The following EP400 variants were observed in gnomAD, a reference collection of about 807,000 sequenced individuals.
EP400 encodes the protein E1A-binding protein p400.
Under a neutral mutation model 354.1 loss-of-function variants are expected in EP400, and 105 were observed. That is an observed-to-expected ratio of 0.30 (90% confidence interval 0.25 to 0.35). EP400 has a LOEUF of 0.35. Among genes scored for constraint, EP400 ranks in the 10% least tolerant of loss-of-function variants. EP400 has a pLI of 1.00. For missense variants in EP400, 3,280 were observed against 4,121.0 expected, an observed-to-expected ratio of 0.80 and a Z score of 5.59; for synonymous variants, 1,646 against 1,716.9, an observed-to-expected ratio of 0.96 and a Z score of 1.02.
rs1194089872 is a variant in EP400, at chr12:132,069,431, G to T, written c.8875-64G>T. 3.8e-6 allele frequency: 6 copies of T among 1,579,198 alleles called. No homozygotes were observed. In the East Asian group the frequency reaches 1.3e-4, roughly 35 times the overall value. On this transcript the variant is annotated intron_variant, in intron 50 of 52. Transcript: ENST00000389561. ...TCTGCCATAGGGCCCAGAGCGGGCA[G>T]GCGTCCCGGGAGTCTTGAGCGCGGC... is the stretch of plus-strand genomic sequence containing the variant.
chr12:131,960,858 G>T lies in EP400; in HGVS notation c.239G>T (p.Gly80Val). 6.2e-7 allele frequency: 1 copy of T among 1,614,018 alleles called. No individual in the cohort carries two copies. The highest frequency in any genetic ancestry group is 2.2e-5 in the East Asian group (1 of 44,874). The change falls in exon 2 of 53, where the codon GGC becomes GTC. Residue 80 changes from glycine (G) to valine (V), a missense_variant. Gly to Val is a moderately radical substitution (Grantham distance 109, BLOSUM62 -3). Transcript: ENST00000389561. ...QNVNITLQSVGPVVGGNQQIT... is the reference protein window; with the variant it reads ...QNVNITLQSVVPVVGGNQQIT... Reference sequence around the variant, plus strand: ...GTGAACATCACCCTGCAGAGCGTGGGCCCTGTCGTCGGGGGAAACCAGCAG... The same window carrying T: ...GTGAACATCACCCTGCAGAGCGTGGTCCCTGTCGTCGGGGGAAACCAGCAG...
At chr12:132,061,832 G>A (rs1895704331) in intron 45 of EP400, among the ~76,000 whole-genome samples, 1 of 152,254 alleles carries the variant, frequency 6.6e-6, no homozygotes, top group African/African-American at 2.4e-5. Context: ...TGTGCGGAGA[G>A]GGAGGGACAG....
chr12:132,023,773 A>G lies in EP400; in HGVS notation c.4691-4A>G. 4 of 1,611,164 alleles carry G rather than the reference A, an allele frequency of 2.5e-6. No homozygotes were observed. Among genetic ancestry groups the G allele is most frequent in the Non-Finnish European group, 2.5e-6 (3 of 1,179,284 alleles). On this transcript the variant is annotated splice_region_variant and splice_polypyrimidine_tract_variant and intron_variant, in intron 23 of 52. Transcript: ENST00000389561. Reference sequence around the variant, plus strand: ...AATTCACCTTTTCCTCTACGTTTCAACAGGTGGAGAGGTAGTGAAAATAGC... The same window carrying G: ...AATTCACCTTTTCCTCTACGTTTCAGCAGGTGGAGAGGTAGTGAAAATAGC...
chr12:132,073,493 G>T (rs1241609633), intron 51 of EP400, among the ~76,000 whole-genome samples: 3 of 107,066 alleles, frequency 2.8e-5, no homozygotes, highest in South Asian at 5.2e-4. Flanking sequence ...TTGCTCCATC[G>T]CCTAGGCTGG....
In EP400 at chr12:132,020,175, A is replaced by T; in HGVS notation, c.4404A>T (p.Gly1468=). The part of the protein sequence containing the change: ...ASAAPQGPLR[G]RPPIATFSAN... Reference sequence around the variant, plus strand: ...CTGCTCCACAGGGCCCGCTTCGAGGACGGCCGCCCATCGCCACGTTCTCTG... The same window carrying T: ...CTGCTCCACAGGGCCCGCTTCGAGGTCGGCCGCCCATCGCCACGTTCTCTG... Residue 1468 remains glycine (G), a synonymous_variant, in exon 22 of 53, where the codon GGA becomes GGT. Coordinates refer to ENST00000389561, the MANE Select transcript of EP400 (RefSeq NM_015409.5). The T allele has an allele frequency of 1.2e-6, 2 of 1,610,370 alleles. No homozygotes were observed. The highest frequency in any genetic ancestry group is 1.7e-6 in the Non-Finnish European group (2 of 1,178,588).
chr12:132,036,394 G>A (rs750998937), intron 30 of EP400, among the ~76,000 whole-genome samples: 21 of 150,610 alleles, frequency 1.4e-4, no homozygotes, highest in East Asian at 2.0e-4. Flanking sequence ...GGGTTCACAC[G>A]GAGCATCGTG....
rs192379984 is a variant in EP400, at chr12:132,044,575, T to C, written c.6586-96T>C. ...AAATAGTCATGTTGATCAGAACTTA[T>C]TTGAAAGACTTAATGAGTATGAAGG... On this transcript the variant is annotated intron_variant, in intron 35 of 52. Transcript: ENST00000389561. 1.6e-5 allele frequency: 24 copies of C among 1,461,978 alleles called. No homozygotes were observed. The East Asian group carries it at 3.5e-4, about 21-fold the overall frequency. 90.6% of individuals were successfully genotyped at this position (1,461,978 alleles called of 1,614,324 possible). A position where few individuals can be genotyped will look rare whatever the true frequency, so the allele number is the denominator to read the frequency against.
rs768665062 is a variant in EP400 at position 131,990,481 on chromosome 12, G to A, written c.2551-155G>A. On this transcript the variant is annotated intron_variant, in intron 8 of 52. Coordinates refer to ENST00000389561, the MANE Select transcript of EP400 (RefSeq NM_015409.5). This position sits in a 1 kb window ranked among gnomAD's most constrained non-coding sequence, Gnocchi z 4.2. The stretch of plus-strand genomic sequence containing the variant: ...CCACCTAATAGAACCTGGGCAGGAT[G>A]TAGTTAGTATGAAATAAATGAAAAA... Among the ~76,000 whole-genome samples the A allele has an allele frequency of 1.4e-4, 21 of 152,200 alleles. No homozygotes were observed. Among genetic ancestry groups the A allele is most frequent in the Admixed American group, 4.6e-4 (7 of 15,284 alleles).
chr12:132,026,960 A>G (rs1367835526), intron 25 of EP400, among the ~76,000 whole-genome samples: 2 of 152,210 alleles, frequency 1.3e-5, no homozygotes, highest in African/African-American at 4.8e-5. Context: ...GGGAACGGAT[A>G]TGAAACGGGC....
chr12:131,982,123 A>T lies in EP400; in HGVS notation c.1574A>T (p.Gln525Leu), dbSNP rs569366093. 15 of 1,551,356 alleles carry T rather than the reference A, an allele frequency of 9.7e-6. No homozygotes were observed. In the East Asian group the frequency reaches 2.7e-4, roughly 28 times the overall value. Residue 525 changes from glutamine to leucine, a missense_variant, in exon 5 of 53, where the codon CAG (glutamine) becomes CTG (leucine). Gln to Leu is a moderately radical substitution (Grantham distance 113). Transcript: ENST00000389561. Reference sequence around the variant, plus strand: ...ATGCCCCCCACGCCGCAGGCCGCGCAGCTCGCTGGACAGAGGCAGAGTCAG... The same window carrying T: ...ATGCCCCCCACGCCGCAGGCCGCGCTGCTCGCTGGACAGAGGCAGAGTCAG... ...GGMPPTPQAA[Q>L]LAGQRQSQQQ...
chr12:132,052,191 T>C lies in EP400; in HGVS notation c.7395-955T>C, dbSNP rs1206481019. ...TAACTATTCTTGTTTTATATTTTATTATACTGGAACAGCTCGTGTCCTTGG... is the reference window on the plus strand; with the variant it reads ...TAACTATTCTTGTTTTATATTTTATCATACTGGAACAGCTCGTGTCCTTGG... On this transcript the variant is annotated intron_variant, in intron 41 of 52. Coordinates refer to ENST00000389561, the MANE Select transcript of EP400 (RefSeq NM_015409.5). The surrounding 1 kb of genome is among the most constrained non-coding windows in gnomAD (Gnocchi z 4.4). 1.3e-5 allele frequency among the ~76,000 whole-genome samples: 2 copies of C among 152,242 alleles called. No homozygotes were observed. The highest frequency in any genetic ancestry group is 2.4e-5 in the African/African-American group (1 of 41,460).
chr12:131,987,549 C>G (rs938183813), intron 6 of EP400, among the ~76,000 whole-genome samples, 156 bp from the exon 7 acceptor site: 20 of 152,312 alleles, frequency 1.3e-4, no homozygotes, highest in Admixed American at 1.2e-3. Context: ...GTGTTCGAAT[C>G]TTACCTTTGA....
chr12:132,050,802 G>GCACCTCTCTCCTGC lies in EP400; in HGVS notation c.7394+147_7394+148insCACCTCTCTCCTGC. On this transcript the variant is annotated intron_variant, in intron 41 of 52. Transcript: ENST00000389561. This position sits in a 1 kb window ranked among gnomAD's most constrained non-coding sequence, Gnocchi z 4.8. ...GGCAGTGCGCAGAACCTGCAGGAGA[G>GCACCTCTCTCCTGC]AGGTGCTTTTCCTGCCGTGGGCTAG... 1.0e-6 allele frequency: 1 copy of GCACCTCTCTCCTGC among 965,480 alleles called. No homozygotes were observed. The highest frequency in any genetic ancestry group is 1.6e-6 in the Non-Finnish European group (1 of 622,536). The allele number at this position is 965,480 out of a possible 1,614,324, so 59.8% of individuals were successfully genotyped here. A position where few individuals can be genotyped will look rare whatever the true frequency, so the allele number is the denominator to read the frequency against.
At chr12:132,007,004 G>T in intron 15 of EP400, 127 bp downstream of exon 15, 2 of 955,678 alleles carry the variant, frequency 2.1e-6, no homozygotes, top group Non-Finnish European at 3.1e-6. Context: ...GTTGACCTGA[G>T]CAAATTGAGG....
chr12:132,005,659 G>T (rs1393191372), intron 13 of EP400, among the ~76,000 whole-genome samples: 1 of 152,174 alleles, frequency 6.6e-6, no homozygotes, highest in African/African-American at 2.4e-5. Flanking sequence ...GGGAGGTCAG[G>T]CCTTACCAGA....
At chr12:132,046,047 G>A in intron 39 of EP400, 147 bp downstream of exon 39, 1 of 1,029,570 alleles carries the variant, frequency 9.7e-7, no homozygotes, top group South Asian at 1.6e-5. Context: ...TTGGGCTCCT[G>A]GTGGACCCAG....
At chr12:132,066,077 G>A (rs1895881356) in intron 48 of EP400, 1 of 152,112 alleles carries the variant, frequency 6.6e-6, no homozygotes, top group South Asian at 2.1e-4. Flanking sequence ...CCAAACAATG[G>A]AATATTAAGC....
rs760693556 is a variant in EP400 at position 131,986,813 on chromosome 12, C to CA, written c.2223+7dup. 1 of 1,592,056 alleles carries CA rather than the reference C, an allele frequency of 6.3e-7. No individual in the cohort carries two copies. The highest frequency in any genetic ancestry group is 1.8e-5 in the Admixed American group (1 of 56,110). ...TGACAGAACAAATAACTCTGGTAAGCATGCTTAAGAAAGTTGTAAAATGTA... is the reference window on the plus strand; with the variant it reads ...TGACAGAACAAATAACTCTGGTAAGCAATGCTTAAGAAAGTTGTAAAATGTA... On this transcript the variant is annotated splice_region_variant and intron_variant, in intron 6 of 52. Transcript: ENST00000389561.
chr12:132,029,984 C>G lies in EP400; in HGVS notation c.5585-5C>G, dbSNP rs1894436207. 6.2e-7 allele frequency: 1 copy of G among 1,613,770 alleles called. No individual in the cohort carries two copies. The highest frequency in any genetic ancestry group is 1.3e-5 in the African/African-American group (1 of 74,896). ...GAGGCGCTCTTGATGTGATTCGTTT[C>G]CCAGGGAAGTTGGAAGCTTTAGCTA... On this transcript the variant is annotated splice_polypyrimidine_tract_variant and splice_region_variant and intron_variant, in intron 28 of 52. Transcript: ENST00000389561. This position sits in a 1 kb window ranked among gnomAD's most constrained non-coding sequence, Gnocchi z 4.7.
Sources: allele counts gnomAD v4.1 joint callset (sites outside exome capture counted in the v4.1 genomes callset), GRCh38; gene constraint gnomAD v4.1.1; non-coding constraint Gnocchi (gnomAD v3.1); transcripts MANE v1.5; gene names NCBI Gene and HGNC (gene_info 2026-07-23, HGNC 2026-07-21).